Variants in ULK4 observed in about 807,000 individuals in gnomAD.
ULK4 encodes unc-51 like kinase 4, also known as inactive serine/threonine-protein kinase ULK4.
A neutral mutation model predicts 160.6 loss-of-function variants in ULK4; 133 were observed. The observed-to-expected ratio is 0.83, with a 90% CI of 0.72 to 0.96. The LOEUF is 0.96. Ranked by LOEUF, ULK4 falls within the 40% of genes least tolerant of loss-of-function variation. The probability of loss-of-function intolerance (pLI) is 0.00; values close to 1 mark genes in which losing one functional copy is unlikely to be tolerated. For missense variants in ULK4, 1,580 were observed against 1,499.5 expected (o/e 1.05, Z -0.89); for synonymous variants, 534 against 539.8 (o/e 0.99, Z 0.15).
intron 35 of ULK4, among the ~76,000 whole-genome samples, chr3:41,366,305 A>T (rs1169237569): frequency 6.6e-6 from 1 of 152,218 alleles, no homozygotes; most frequent in Non-Finnish European, 1.5e-5. Context: ...CTCACCAAAG[A>T]GGGACAACCA....
At position 41,538,697 on chromosome 3, in the gene ULK4, C is replaced by T. The variant is rs1575380064; in HGVS notation, c.3226+27328G>A. Among the ~76,000 whole-genome samples, 4 of 152,156 alleles carry T rather than the reference C, an allele frequency of 2.6e-5. No individual in the cohort carries two copies. In the South Asian group the frequency reaches 8.3e-4, roughly 32 times the overall value. ...TAAATAGATCTCACAACACTTCAGC[C>T]CACCACAAATGGAGCAGGAGGTAGC... is the stretch of plus-strand genomic sequence containing the variant. On this transcript the variant is annotated intron_variant, in intron 32 of 36. Transcript: ENST00000301831.
chr3:41,593,386 T>C (rs2031480649), intron 31 of ULK4, among the ~76,000 whole-genome samples: 1 of 149,910 alleles, frequency 6.7e-6, no homozygotes, highest in African/African-American at 2.4e-5. Context: ...ACTCACCATA[T>C]ACCCTACACA....
chr3:41,647,177 C>A (rs2034535301), intron 30 of ULK4, among the ~76,000 whole-genome samples: 1 of 152,136 alleles, frequency 6.6e-6, no homozygotes, highest in Non-Finnish European at 1.5e-5. Flanking sequence ...TCGTCTGAAG[C>A]CTTCTTCTCT....
chr3:41,337,101 C>T (rs2080576122), intron 35 of ULK4, among the ~76,000 whole-genome samples: 2 of 152,130 alleles, frequency 1.3e-5, no homozygotes, highest in Admixed American at 1.3e-4. Context: ...CTACATGCCG[C>T]ATCATGAATC....
intron 18 of ULK4, among the ~76,000 whole-genome samples, chr3:41,823,308 C>G (rs751917740): frequency 4.6e-5 from 7 of 152,008 alleles, no homozygotes; most frequent in Non-Finnish European, 7.4e-5. Flanking sequence ...GTCAGTATAG[C>G]TGGAAGGAGT....
intron 35 of ULK4, among the ~76,000 whole-genome samples, chr3:41,365,508 AATTAATAGTT>A (rs2081238091): frequency 6.6e-6 from 1 of 152,218 alleles, no homozygotes; most frequent in South Asian, 2.1e-4. Context: ...TGACAACAGC[AATTAATAGTT>A]TCAAGCACTT....
At chr3:41,813,252 C>T (rs1476486792) in intron 19 of ULK4, among the ~76,000 whole-genome samples, 4 of 151,954 alleles carry the variant, frequency 2.6e-5, no homozygotes, top group African/African-American at 9.7e-5. Context: ...CCATGGCACA[C>T]GTTTACCTAT....
At chr3:41,816,333 T>C (rs2040964297) in intron 19 of ULK4, among the ~76,000 whole-genome samples, 1 of 152,192 alleles carries the variant, frequency 6.6e-6, no homozygotes, top group Non-Finnish European at 1.5e-5. Context: ...AGCTTTCTTT[T>C]CTTTTCTAAT....
intron 35 of ULK4, among the ~76,000 whole-genome samples, chr3:41,264,493 G>A (rs963444800): frequency 4.6e-5 from 7 of 152,214 alleles, no homozygotes; most frequent in East Asian, 3.9e-4. Flanking sequence ...CATAAGCCAC[G>A]CATTTTAGAC....
At chr3:41,700,921 G>A (rs1170090855) in intron 27 of ULK4, among the ~76,000 whole-genome samples, 1 of 152,028 alleles carries the variant, frequency 6.6e-6, no homozygotes, top group African/African-American at 2.4e-5. Context: ...TTCTAGCAAT[G>A]ACAGACTTCT....
intron 18 of ULK4, 21 bp downstream of exon 18, chr3:41,835,843 G>C (rs773062020): frequency 6.6e-7 from 1 of 1,510,944 alleles, no homozygotes; most frequent in South Asian, 1.2e-5. Flanking sequence ...AACAGCAACA[G>C]AGTTAATCAG....
intron 32 of ULK4, among the ~76,000 whole-genome samples, chr3:41,488,951 G>C (rs2084646248): frequency 6.6e-6 from 1 of 152,066 alleles, no homozygotes; most frequent in African/African-American, 2.4e-5. Flanking sequence ...CTCGGAGTAA[G>C]AGAAACTCCT....
intron 35 of ULK4, among the ~76,000 whole-genome samples, chr3:41,387,822 C>T (rs1439032962): frequency 6.6e-6 from 1 of 152,086 alleles, no homozygotes; most frequent in Non-Finnish European, 1.5e-5. Flanking sequence ...TGAATAGTGC[C>T]TCAGTAAACG....
intron 32 of ULK4, among the ~76,000 whole-genome samples, chr3:41,484,539 G>T (rs1030579903): frequency 6.7e-6 from 1 of 148,880 alleles, no homozygotes; most frequent in Non-Finnish European, 1.5e-5. Context: ...TGCAAGCTCC[G>T]CCTCCCGGGT....
intron 35 of ULK4, among the ~76,000 whole-genome samples, chr3:41,277,164 C>G (rs1038919191): frequency 6.6e-6 from 1 of 152,128 alleles, no homozygotes; most frequent in African/African-American, 2.4e-5. Flanking sequence ...AGACTTCTAT[C>G]AGACATTCAA....
At chr3:41,253,796 T>C (rs2078782534) in intron 35 of ULK4, among the ~76,000 whole-genome samples, 1 of 152,088 alleles carries the variant, frequency 6.6e-6, no homozygotes, top group Non-Finnish European at 1.5e-5. Flanking sequence ...AGATAGTGGT[T>C]TAAAGTAAGA....
intron 34 of ULK4, among the ~76,000 whole-genome samples, chr3:41,415,626 T>C (rs535809901): frequency 6.6e-6 from 1 of 152,144 alleles, no homozygotes; most frequent in African/African-American, 2.4e-5. Flanking sequence ...AGTTCAAAGG[T>C]CACCTCCTAA....
At chr3:41,805,666 CTAAT>C (rs1216824478) in intron 19 of ULK4, among the ~76,000 whole-genome samples, 2 of 151,472 alleles carry the variant, frequency 1.3e-5, no homozygotes, top group Non-Finnish European at 2.9e-5. Context: ...CCATCAATAC[CTAAT>C]TTATTGAGAG....
At chr3:41,828,389 T>C (rs2041448498) in intron 18 of ULK4, among the ~76,000 whole-genome samples, 1 of 150,040 alleles carries the variant, frequency 6.7e-6, no homozygotes, top group Non-Finnish European at 1.5e-5. Flanking sequence ...TGATTGTATA[T>C]CTAGAAAACC....
Sources: gnomAD v4.1 joint callset for allele counts (sites outside exome capture counted in the v4.1 genomes callset) on GRCh38, gnomAD v4.1.1 for gene constraint, MANE v1.5 for transcripts, NCBI Gene and HGNC (gene_info 2026-07-23, HGNC 2026-07-21) for gene names.